SBF2: variants seen among roughly 807,000 people sequenced by gnomAD.
The protein encoded by SBF2 is myotubularin-related protein 13.
SBF2 carries 112 observed loss-of-function variants against 225.2 expected under a neutral mutation model. That is an observed-to-expected ratio of 0.50 (90% confidence interval 0.43 to 0.58). The LOEUF (loss-of-function observed/expected upper bound fraction) is 0.58. Among genes scored for constraint, SBF2 ranks in the 20% least tolerant of loss-of-function variants. The pLI is 0.00. For synonymous variants in SBF2, 763 were observed against 773.3 expected, an observed-to-expected ratio of 0.99 and a Z score of 0.22; for missense variants, 1,996 against 2,206.2, an observed-to-expected ratio of 0.90 and a Z score of 1.91.
chr11:10,041,111 G>A (rs1360771122), intron 3 of SBF2, among the ~76,000 whole-genome samples: 1 of 152,044 alleles, frequency 6.6e-6, no homozygotes, highest in East Asian at 1.9e-4. Context: ...GTTGTGAAGC[G>A]ATACCCTCAA....
At chr11:10,095,298 T>C (rs1467670792) in intron 2 of SBF2, among the ~76,000 whole-genome samples, 1 of 152,148 alleles carries the variant, frequency 6.6e-6, no homozygotes, top group African/African-American at 2.4e-5. Context: ...GAAAATATTA[T>C]CAACAATGAA....
intron 8 of SBF2, 145 bp downstream of exon 8, chr11:10,000,769 C>A: frequency 1.7e-6 from 1 of 602,362 alleles, no homozygotes; most frequent in Non-Finnish European, 3.0e-6. Context: ...ACAGACTTTT[C>A]AATGATATTT....
chr11:10,196,837 AATAT>A lies in SBF2; in HGVS notation c.56-2854_56-2851del, dbSNP rs71313475. On this transcript the variant is annotated intron_variant, in intron 1 of 39. Coordinates refer to ENST00000256190, the MANE Select transcript of SBF2 (RefSeq NM_030962.4). The stretch of plus-strand genomic sequence containing the variant: ...CATTTATTCCTAGGTTTCTTGCATA[AATAT>A]ATATATATATATATATATATATATA... Among the ~76,000 whole-genome samples, 38 of 83,506 alleles carry A rather than the reference AATAT, an allele frequency of 4.6e-4. 1 individual carries two copies. The highest frequency in any genetic ancestry group is 7.2e-4 in the Admixed American group (5 of 6,932). 54.8% of individuals were successfully genotyped at this position (83,506 alleles called of 152,430 possible).
chr11:9,874,378 C>G (rs11601125), intron 17 of SBF2, among the ~76,000 whole-genome samples: 26,626 of 151,974 alleles, frequency 0.18, 2,976 homozygotes, highest in Non-Finnish European at 0.25. Flanking sequence ...ATCTACTCAA[C>G]TTTTCCAGAG....
chr11:10,129,681 T>G (rs903394160), intron 2 of SBF2, among the ~76,000 whole-genome samples: 1 of 151,818 alleles, frequency 6.6e-6, no homozygotes, highest in African/African-American at 2.4e-5. Context: ...AATTATCTTG[T>G]GAATATTAAT....
intron 1 of SBF2, among the ~76,000 whole-genome samples, chr11:10,229,133 G>A (rs1245805128): frequency 6.6e-6 from 1 of 152,086 alleles, no homozygotes; most frequent in Non-Finnish European, 1.5e-5. Flanking sequence ...TCTGATGGTA[G>A]TTTGTATTTC....
intron 2 of SBF2, among the ~76,000 whole-genome samples, chr11:10,102,794 AT>A (rs1952366748): frequency 6.6e-6 from 1 of 152,202 alleles, no homozygotes; most frequent in Non-Finnish European, 1.5e-5. Context: ...TTCTTAGAAA[AT>A]TTATCTGCTG....
At chr11:9,851,006 G>A (rs973150967) in intron 21 of SBF2, among the ~76,000 whole-genome samples, 1 of 151,938 alleles carries the variant, frequency 6.6e-6, no homozygotes, top group Non-Finnish European at 1.5e-5. Flanking sequence ...CATGGTGGCA[G>A]GCGCCTGTAA....
At chr11:9,865,741 C>T (rs1858164300) in intron 17 of SBF2, among the ~76,000 whole-genome samples, 1 of 118,534 alleles carries the variant, frequency 8.4e-6, no homozygotes, top group South Asian at 3.2e-4. Flanking sequence ...GGGGGCGAAA[C>T]TGAGGCAAAA....
intron 1 of SBF2, among the ~76,000 whole-genome samples, chr11:10,201,959 C>G (rs558233827): frequency 6.6e-6 from 1 of 152,198 alleles, no homozygotes; most frequent in Non-Finnish European, 1.5e-5. Context: ...AGCAGCTACA[C>G]AGCTTTAATC....
At chr11:9,844,096 T>A (rs1204173969) in intron 24 of SBF2, among the ~76,000 whole-genome samples, 1 of 152,220 alleles carries the variant, frequency 6.6e-6, no homozygotes, top group Non-Finnish European at 1.5e-5. Context: ...CAAAGCTTTG[T>A]CTCTTCCATT....
intron 1 of SBF2, among the ~76,000 whole-genome samples, chr11:10,233,114 C>G (rs1475462526): frequency 6.6e-6 from 1 of 152,154 alleles, no homozygotes; most frequent in Non-Finnish European, 1.5e-5. Flanking sequence ...ATACGAAGAC[C>G]TATTTTTAGA....
rs1289394714 is a variant in SBF2, at chr11:10,268,063, T to C, written c.55+25952A>G. On this transcript the variant is annotated intron_variant, in intron 1 of 39. Transcript: ENST00000256190. Reference sequence around the variant, plus strand: ...CCTAGAAGACCGCGTAGGACAAGTATATGAAGCATTTATAAAATTCACTCC... The same window carrying C: ...CCTAGAAGACCGCGTAGGACAAGTACATGAAGCATTTATAAAATTCACTCC... Among the ~76,000 whole-genome samples the C allele has an allele frequency of 2.6e-5, 4 of 152,294 alleles. No individual in the cohort carries two copies. In the East Asian group the frequency reaches 5.8e-4, roughly 22 times the overall value.
intron 16 of SBF2, among the ~76,000 whole-genome samples, chr11:9,933,047 CAA>C (rs1266954120): frequency 7.3e-6 from 1 of 137,336 alleles, no homozygotes; most frequent in East Asian, 2.4e-4. Flanking sequence ...CAACAAAGAT[CAA>C]AAGAGACAAA....
chr11:10,098,413 G>T (rs1952122381), intron 2 of SBF2, among the ~76,000 whole-genome samples: 1 of 151,180 alleles, frequency 6.6e-6, no homozygotes, highest in Non-Finnish European at 1.5e-5. Flanking sequence ...AGTCACTACA[G>T]AGCAAAGAAG....
intron 2 of SBF2, among the ~76,000 whole-genome samples, chr11:10,055,261 AG>A (rs973574441): frequency 6.6e-6 from 1 of 152,162 alleles, no homozygotes; most frequent in Non-Finnish European, 1.5e-5. Flanking sequence ...TGTGGTAAAA[AG>A]GGAACACTTA....
At chr11:9,861,043 T>C (rs1857692165) in intron 17 of SBF2, among the ~76,000 whole-genome samples, 1 of 152,230 alleles carries the variant, frequency 6.6e-6, no homozygotes, top group Admixed American at 6.5e-5. Context: ...TTATCTGAAA[T>C]ACTTGGGACC....
chr11:10,157,901 G>T (rs575340414), intron 2 of SBF2, among the ~76,000 whole-genome samples: 1 of 152,196 alleles, frequency 6.6e-6, no homozygotes, highest in East Asian at 1.9e-4. Flanking sequence ...ATTTTCCTAA[G>T]CACACATTAA....
chr11:9,800,025 G>T (rs1590112637), intron 32 of SBF2, among the ~76,000 whole-genome samples: 1 of 152,162 alleles, frequency 6.6e-6, no homozygotes, highest in African/African-American at 2.4e-5. Flanking sequence ...ATCACTTGAG[G>T]TCAGGAATTT....
Sources: gnomAD v4.1 joint callset for allele counts (sites outside exome capture counted in the v4.1 genomes callset) on GRCh38, gnomAD v4.1.1 for gene constraint, MANE v1.5 for transcripts, NCBI Gene and HGNC (gene_info 2026-07-23, HGNC 2026-07-21) for gene names.